MAP2K6: variants seen among roughly 807,000 people sequenced by gnomAD.
MAP2K6 encodes the protein mitogen-activated protein kinase kinase 6, also known as dual specificity mitogen-activated protein kinase kinase 6.
Under a neutral mutation model 53.7 loss-of-function variants are expected in MAP2K6, and 16 were observed. That is an observed-to-expected ratio of 0.30 (90% CI 0.20 to 0.45). MAP2K6 has a LOEUF of 0.45. MAP2K6 is among the 20% of genes least tolerant of loss of function. The pLI is 1.00. For synonymous variants in MAP2K6, 132 were observed against 143.1 expected, an observed-to-expected ratio of 0.92 and a Z score of 0.55; for missense variants, 204 against 411.9, an observed-to-expected ratio of 0.50 and a Z score of 4.37.
intron 1 of MAP2K6, among the ~76,000 whole-genome samples, chr17:69,427,838 G>A (rs964042144): frequency 6.6e-6 from 1 of 152,186 alleles, no homozygotes; most frequent in African/African-American, 2.4e-5. Context: ...GGAAAGTAGA[G>A]GAAAACAATG....
chr17:69,426,197 A>G (rs559187698), intron 1 of MAP2K6, among the ~76,000 whole-genome samples: 1 of 152,294 alleles, frequency 6.6e-6, no homozygotes, highest in South Asian at 2.1e-4. Context: ...TTTTTGATCT[A>G]TTGTTATGTT....
At chr17:69,523,377 TG>T in intron 7 of MAP2K6, 136 bp from the exon 8 acceptor site, 1 of 964,634 alleles carries the variant, frequency 1.0e-6, no homozygotes, top group Non-Finnish European at 1.6e-6. Context: ...GGGTCAGGGA[TG>T]GCAGTTACTT....
At chr17:69,458,253 A>G (rs926525563) in intron 1 of MAP2K6, among the ~76,000 whole-genome samples, 1 of 152,058 alleles carries the variant, frequency 6.6e-6, no homozygotes, top group Non-Finnish European at 1.5e-5. Flanking sequence ...GGGTTTCACC[A>G]TCTTGGCCAG....
In MAP2K6 at chr17:69,542,108, A is replaced by G. The variant is rs1911667458; in HGVS notation, c.*355A>G. The G allele has an allele frequency of 1.3e-5, 2 of 154,142 alleles. No homozygotes were observed. Among genetic ancestry groups the G allele is most frequent in the Admixed American group, 1.3e-4 (2 of 15,340 alleles). The allele number at this position is 154,142 out of a possible 1,614,324, so 9.5% of individuals were successfully genotyped here. ...GTGCTACGGTAGTGATGAAATTATA[A>G]GTAGATTTGTAGTTTGTCCCATTTA... On this transcript the variant is annotated 3_prime_UTR_variant, in exon 12 of 12. Coordinates refer to ENST00000590474, the MANE Select transcript of MAP2K6 (RefSeq NM_002758.4).
At chr17:69,482,747 TC>T (rs1908393094) in intron 1 of MAP2K6, among the ~76,000 whole-genome samples, 1 of 152,068 alleles carries the variant, frequency 6.6e-6, no homozygotes, top group Non-Finnish European at 1.5e-5. Flanking sequence ...TGTACATACA[TC>T]ATTTTGCATG....
intron 1 of MAP2K6, among the ~76,000 whole-genome samples, chr17:69,471,175 C>G (rs991816785): frequency 6.6e-6 from 1 of 152,224 alleles, no homozygotes; most frequent in African/African-American, 2.4e-5. Context: ...TCTTTGATGA[C>G]TTGGTATGAT....
intron 1 of MAP2K6, chr17:69,505,474 A>G (rs1382253985): frequency 2.2e-5 from 5 of 226,572 alleles, no homozygotes; most frequent in Non-Finnish European, 8.7e-6. Context: ...AGTTGCAATG[A>G]CAAATTCTCA....
chr17:69,514,189 A>T (rs1273164028), intron 2 of MAP2K6, among the ~76,000 whole-genome samples: 1 of 152,136 alleles, frequency 6.6e-6, no homozygotes, highest in Admixed American at 6.6e-5. Flanking sequence ...TTCAAGTCAT[A>T]TTTGCCTTTA....
intron 1 of MAP2K6, among the ~76,000 whole-genome samples, chr17:69,462,054 A>G (rs887741097): frequency 2.0e-5 from 3 of 152,178 alleles, no homozygotes; most frequent in Non-Finnish European, 2.9e-5. Flanking sequence ...CTTGGGACGA[A>G]TTACAGACAT....
intron 1 of MAP2K6, among the ~76,000 whole-genome samples, chr17:69,482,626 A>G (rs1228489191): frequency 6.6e-6 from 1 of 151,928 alleles, no homozygotes. Context: ...AAACTTCTAC[A>G]TTCTTGTTTT....
intron 7 of MAP2K6, among the ~76,000 whole-genome samples, chr17:69,523,265 G>A (rs1402393418): frequency 2.0e-5 from 3 of 152,174 alleles, no homozygotes; most frequent in Non-Finnish European, 4.4e-5. Flanking sequence ...AAAATCAGTG[G>A]AGAAAACAGT....
intron 1 of MAP2K6, among the ~76,000 whole-genome samples, chr17:69,437,001 A>G (rs1906664712): frequency 6.6e-6 from 1 of 151,568 alleles, no homozygotes; most frequent in Non-Finnish European, 1.5e-5. Context: ...ATTTATTTTT[A>G]TTTTTAGTAG....
At chr17:69,530,687 T>G (rs1414701868) in intron 10 of MAP2K6, among the ~76,000 whole-genome samples, 2 of 152,242 alleles carry the variant, frequency 1.3e-5, no homozygotes, top group Non-Finnish European at 2.9e-5. Context: ...CCCTTAAGTA[T>G]GAACATTATT....
chr17:69,508,111 G>C (rs537531611), intron 2 of MAP2K6, among the ~76,000 whole-genome samples: 7 of 128,396 alleles, frequency 5.5e-5, no homozygotes, highest in Admixed American at 2.8e-4. Context: ...CAGTGCAATG[G>C]CGTGATCTCG....
In MAP2K6 at chr17:69,514,224, T is replaced by C. The variant is rs184958856; in HGVS notation, c.84-2631T>C. 3.9e-5 allele frequency among the ~76,000 whole-genome samples: 6 copies of C among 152,330 alleles called. No homozygotes were observed. The East Asian group carries it at 1.2e-3, about 29-fold the overall frequency. ...ATTTCAAAGTGCCATTACAAATTAG[T>C]ACAAGCAAATTTTGACAACTGAGGA... On this transcript the variant is annotated intron_variant, in intron 2 of 11. Transcript: ENST00000590474.
At chr17:69,510,837 T>TAATTGA in intron 2 of MAP2K6, among the ~76,000 whole-genome samples, 1 of 152,168 alleles carries the variant, frequency 6.6e-6, no homozygotes, top group East Asian at 1.9e-4. Flanking sequence ...ATTTGTGTCT[T>TAATTGA]CTTTTGTTAA....
intron 1 of MAP2K6, chr17:69,477,163 T>C (rs2145187559): frequency 6.6e-6 from 1 of 152,280 alleles, no homozygotes; most frequent in African/African-American, 2.4e-5. Flanking sequence ...TATTTGTCAA[T>C]GTGATCCCAA....
chr17:69,473,062 G>A (rs186917931), intron 1 of MAP2K6, among the ~76,000 whole-genome samples: 1 of 152,258 alleles, frequency 6.6e-6, no homozygotes, highest in East Asian at 1.9e-4. Context: ...GTTAATATTA[G>A]ATGTGTCTTG....
At chr17:69,501,174 A>G (rs1484225065) in intron 1 of MAP2K6, among the ~76,000 whole-genome samples, 5 of 152,172 alleles carry the variant, frequency 3.3e-5, no homozygotes, top group African/African-American at 1.2e-4. Context: ...GGCACTGGAA[A>G]CACTGCCATC....
Sources: gnomAD v4.1 joint callset for allele counts (sites outside exome capture counted in the v4.1 genomes callset) on GRCh38, gnomAD v4.1.1 for gene constraint, MANE v1.5 for transcripts, NCBI Gene and HGNC (gene_info 2026-07-23, HGNC 2026-07-21) for gene names.